Variants in SFSWAP observed in about 807,000 individuals in gnomAD.
SFSWAP encodes the protein splicing factor, suppressor of white-apricot homolog.
In SFSWAP, 17 loss-of-function variants were observed where a neutral mutation model predicts 100.7. The ratio of observed to expected loss-of-function variants is 0.17; its 90% CI spans 0.12 to 0.25. SFSWAP has a LOEUF of 0.25. Ranked by LOEUF, SFSWAP falls within the 10% of genes least tolerant of loss-of-function variation. SFSWAP has a pLI of 1.00. For synonymous variants in SFSWAP, 504 were observed against 510.1 expected, an observed-to-expected ratio of 0.99 and a Z score of 0.16; for missense variants, 1,005 against 1,262.6, an observed-to-expected ratio of 0.80 and a Z score of 3.09.
At chr12:131,772,765 A>G (rs1405333763) in intron 13 of SFSWAP, among the ~76,000 whole-genome samples, 1 of 152,224 alleles carries the variant, frequency 6.6e-6, no homozygotes, top group African/African-American at 2.4e-5. Flanking sequence ...GGTCAGGGTG[A>G]CAGCCTTTAC....
At position 131,753,379 on chromosome 12, in the gene SFSWAP, A is replaced by G; in HGVS notation, c.1322+16A>G. 6.2e-7 allele frequency: 1 copy of G among 1,602,856 alleles called. No individual in the cohort carries two copies. Among genetic ancestry groups the G allele is most frequent in the Non-Finnish European group, 8.5e-7 (1 of 1,172,132 alleles). ...CCACCACAAGGTAGGTGCAGCGTCC[A>G]CCGCTGCCTGCTGTGTGAGTCACTC... On this transcript the variant is annotated intron_variant, in intron 8 of 17. Coordinates refer to ENST00000261674, the MANE Select transcript of SFSWAP (RefSeq NM_004592.4).
Position 131,728,431 on chromosome 12 carries a change from G to A in SFSWAP, c.1081+3G>A, listed in dbSNP as rs533199470. ...CCAGGTGGAGTACACGGCAGACTGT[G>A]AGTACTCACTGTGTATGTCCTGACC... On this transcript the variant is annotated splice_donor_region_variant and intron_variant, in intron 7 of 17. Transcript: ENST00000261674. 7.4e-6 allele frequency: 12 copies of A among 1,614,036 alleles called. No individual in the cohort carries two copies. In the South Asian group the frequency reaches 1.3e-4, roughly 18 times the overall value.
intron 15 of SFSWAP, among the ~76,000 whole-genome samples, chr12:131,791,728 CAAG>C (rs1167567326): frequency 6.6e-6 from 1 of 152,196 alleles, no homozygotes; most frequent in Non-Finnish European, 1.5e-5. Context: ...CGCGACAGTG[CAAG>C]ACTCCGTCTC....
intron 13 of SFSWAP, among the ~76,000 whole-genome samples, chr12:131,766,608 A>G (rs1395091129): frequency 6.6e-6 from 1 of 152,198 alleles, no homozygotes; most frequent in East Asian, 1.9e-4. Context: ...AGTGCCTCCC[A>G]TGGGTCCTGC....
At chr12:131,766,965 C>T (rs1057264830) in intron 13 of SFSWAP, among the ~76,000 whole-genome samples, 3 of 151,744 alleles carry the variant, frequency 2.0e-5, no homozygotes, top group East Asian at 1.9e-4. Context: ...GTGTCCGAGA[C>T]CAGAGGCCTT....
Position 131,727,016 on chromosome 12 carries a change from C to T in SFSWAP, c.909C>T (p.Ala303=). The T allele has an allele frequency of 6.2e-7, 1 of 1,605,890 alleles. No homozygotes were observed. Among genetic ancestry groups the T allele is most frequent in the Non-Finnish European group, 8.5e-7 (1 of 1,175,482 alleles). The part of the protein sequence containing the change: ...DGNYLHPSLF[A]SKKCNRLEEL... ...ATTACCTTCATCCCTCTCTCTTTGCCTCCAAGAAGTGTAACCGCCTTGAAG... is the reference window on the plus strand; with the variant it reads ...ATTACCTTCATCCCTCTCTCTTTGCTTCCAAGAAGTGTAACCGCCTTGAAG... Residue 303 remains alanine (A), a synonymous_variant, in exon 6 of 18, where the codon GCC becomes GCT. Transcript: ENST00000261674.
At chr12:131,731,902 T>C (rs1213766287) in intron 7 of SFSWAP, among the ~76,000 whole-genome samples, 1 of 46,480 alleles carries the variant, frequency 2.2e-5, no homozygotes, top group African/African-American at 9.8e-5. Context: ...ACTATTTTAC[T>C]TTTTTTTTTT....
In SFSWAP at chr12:131,725,381, G is replaced by T; in HGVS notation, c.607-24G>T. On this transcript the variant is annotated intron_variant, in intron 4 of 17. Transcript: ENST00000261674. This position sits in a 1 kb window ranked among gnomAD's most constrained non-coding sequence, Gnocchi z 4.3. ...GTGGACAAGAGGACAAATGGGTGAC[G>T]TGAATATGTGTGTTTTCCCGTAGCC... 6.4e-7 allele frequency: 1 copy of T among 1,573,128 alleles called. No individual in the cohort carries two copies. Among genetic ancestry groups the T allele is most frequent in the Non-Finnish European group, 8.7e-7 (1 of 1,150,204 alleles).
In SFSWAP at chr12:131,754,492, G is replaced by T; in HGVS notation, c.1447G>T (p.Asp483Tyr). The change falls in exon 9 of 18, where the codon GAT becomes TAT. Residue 483 changes from aspartate to tyrosine, a missense_variant. This residue lies in a region of SFSWAP where 311 missense variants were observed against 317.8 expected (regional missense o/e 0.98). Transcript: ENST00000261674. Reference protein sequence around the residue: ...KFETSVRAKNDQRFEFLQPWH... With the variant: ...KFETSVRAKNYQRFEFLQPWH... ...CGAGACCAGTGTTCGTGCCAAGAAT[G>T]ATCAAAGGTCAGAAGAAGAATTTTA... The T allele has an allele frequency of 1.3e-6, 2 of 1,582,598 alleles. No homozygotes were observed. The highest frequency in any genetic ancestry group is 1.2e-5 in the South Asian group (1 of 86,816).
intron 11 of SFSWAP, among the ~76,000 whole-genome samples, chr12:131,759,087 G>GT (rs1298156824): frequency 2.6e-5 from 4 of 152,102 alleles, no homozygotes; most frequent in African/African-American, 9.6e-5. Flanking sequence ...AAAATTATAG[G>GT]TATCTTTTTA....
At chr12:131,717,451 A>AT (rs1331048267) in intron 3 of SFSWAP, among the ~76,000 whole-genome samples, 1 of 151,956 alleles carries the variant, frequency 6.6e-6, no homozygotes, top group African/African-American at 2.4e-5. Flanking sequence ...CTATATATCC[A>AT]TTTTTTAAAC....
intron 7 of SFSWAP, among the ~76,000 whole-genome samples, chr12:131,744,219 T>C (rs1244987200): frequency 6.6e-6 from 1 of 152,248 alleles, no homozygotes; most frequent in Non-Finnish European, 1.5e-5. Context: ...CCAGCCTGAA[T>C]TTCTCCTCAG....
At chr12:131,771,650 C>CTTTTTTTTTTTT (rs398021691) in intron 13 of SFSWAP, among the ~76,000 whole-genome samples, 1 of 86,108 alleles carries the variant, frequency 1.2e-5, no homozygotes, top group African/African-American at 4.1e-5. Context: ...GCTAATGTCT[C>CTTTTTTTTTTTT]TTTTTTTTTT....
chr12:131,736,723 C>G (rs1357439028), intron 7 of SFSWAP, among the ~76,000 whole-genome samples: 1 of 152,140 alleles, frequency 6.6e-6, no homozygotes, highest in African/African-American at 2.4e-5. Context: ...AGGTCTAAGA[C>G]TTAGGAGAAG....
At chr12:131,720,090 GTC>G (rs1393527801) in intron 4 of SFSWAP, among the ~76,000 whole-genome samples, 2 of 152,172 alleles carry the variant, frequency 1.3e-5, no homozygotes, top group Admixed American at 6.5e-5. Flanking sequence ...ACTGGTTACT[GTC>G]TGTTCAGCAT....
At chr12:131,756,451 T>C (rs773090663) in intron 10 of SFSWAP, 22 bp from the exon 11 acceptor site, 44 of 1,610,124 alleles carry the variant, frequency 2.7e-5, no homozygotes, top group Non-Finnish European at 2.7e-5. Context: ...GCTGACAGTT[T>C]ATAGTGACAT....
chr12:131,726,672 A>G (rs902294344), intron 5 of SFSWAP, among the ~76,000 whole-genome samples: 7 of 152,054 alleles, frequency 4.6e-5, no homozygotes, highest in East Asian at 3.8e-4. Flanking sequence ...TAAAAAAAGG[A>G]AAAAAAAGGC....
At chr12:131,768,614 C>T (rs987021899) in intron 13 of SFSWAP, among the ~76,000 whole-genome samples, 2 of 152,164 alleles carry the variant, frequency 1.3e-5, no homozygotes, top group Admixed American at 1.3e-4. Context: ...CCCTGAGTCC[C>T]GAGTGCTCTG....
intron 4 of SFSWAP, among the ~76,000 whole-genome samples, chr12:131,722,533 T>TG (rs1878573744): frequency 6.6e-6 from 1 of 152,212 alleles, no homozygotes; most frequent in Non-Finnish European, 1.5e-5. Flanking sequence ...TAGTTGCTGT[T>TG]GTGTGCAACG....
Sources: allele counts gnomAD v4.1 joint callset (sites outside exome capture counted in the v4.1 genomes callset), GRCh38; gene constraint gnomAD v4.1.1; regional missense constraint gnomAD v4.1.1; non-coding constraint Gnocchi (gnomAD v3.1); transcripts MANE v1.5; gene names NCBI Gene and HGNC (gene_info 2026-07-23, HGNC 2026-07-21).